The following TMEM245 variants were observed in gnomAD, a reference collection of about 807,000 sequenced individuals.
TMEM245 encodes the protein protein CG-2.
A neutral mutation model predicts 101.2 loss-of-function variants in TMEM245; 69 were observed. The observed-to-expected ratio is 0.68, with a 90% CI of 0.56 to 0.83. The LOEUF is 0.83. TMEM245 is among the 40% of genes least tolerant of loss of function. TMEM245 has a pLI of 0.00. For synonymous variants in TMEM245, 537 were observed against 449.8 expected, an observed-to-expected ratio of 1.19 and a Z score of -2.45; for missense variants, 1,075 against 1,092.8, an observed-to-expected ratio of 0.98 and a Z score of 0.23.
chr9:109,084,204 C>G (rs1218072078), intron 7 of TMEM245, among the ~76,000 whole-genome samples: 1 of 152,098 alleles, frequency 6.6e-6, no homozygotes, highest in Non-Finnish European at 1.5e-5. Flanking sequence ...TAATTCACTC[C>G]ACTTGAAATT....
intron 9 of TMEM245, among the ~76,000 whole-genome samples, chr9:109,070,721 C>T (rs1021292593): frequency 6.6e-6 from 1 of 152,190 alleles, no homozygotes; most frequent in Non-Finnish European, 1.5e-5. Flanking sequence ...CTAAAAATTT[C>T]CTTGCACCTA....
chr9:109,085,952 T>C (rs957325526), intron 7 of TMEM245, 45 bp downstream of exon 7: 2 of 1,602,854 alleles, frequency 1.2e-6, no homozygotes, highest in East Asian at 2.2e-5. Flanking sequence ...TACAGGGGCA[T>C]TACGGAATTC....
At chr9:109,108,420 TAAAAAAAAA>T in intron 2 of TMEM245, 24 bp downstream of exon 2, 2 of 938,464 alleles carry the variant, frequency 2.1e-6, no homozygotes, top group South Asian at 2.1e-5. Context: ...AGGCTAGACT[TAAAAAAAAA>T]AAAAAAAAAA....
At chr9:109,079,673 C>T (rs957496584) in intron 8 of TMEM245, among the ~76,000 whole-genome samples, 4 of 148,870 alleles carry the variant, frequency 2.7e-5, no homozygotes, top group Admixed American at 6.7e-5. Context: ...AGGGGATGAA[C>T]AAAGAAAAAG....
intron 11 of TMEM245, among the ~76,000 whole-genome samples, chr9:109,058,683 G>A (rs1244406100): frequency 6.6e-6 from 1 of 152,050 alleles, no homozygotes; most frequent in Admixed American, 6.5e-5. Flanking sequence ...TGCAGTCATA[G>A]CTCACTGCAG....
intron 3 of TMEM245, among the ~76,000 whole-genome samples, chr9:109,106,024 A>C (rs1830406752): frequency 6.6e-6 from 1 of 152,098 alleles, no homozygotes; most frequent in Admixed American, 6.5e-5. Flanking sequence ...CGCTTGCCTC[A>C]GCCTCCCAAA....
In TMEM245 at chr9:109,088,755, G is replaced by T. The variant is rs529119218; in HGVS notation, c.1151-1413C>A. 4.8e-5 allele frequency among the ~76,000 whole-genome samples: 7 copies of T among 145,312 alleles called. No homozygotes were observed. The Admixed American group carries it at 5.0e-4, about 10-fold the overall frequency. ...AGTGTGAACCCAGGAAGTGAAGCTT[G>T]CAATGAGCCGAGATCCCGCCACTGC... On this transcript the variant is annotated intron_variant, in intron 5 of 17. Transcript: ENST00000374586.
Position 109,073,427 on chromosome 9 carries a change from C to G in TMEM245, c.1461G>C (p.Glu487Asp). Residue 487 changes from glutamate (E) to aspartate (D), a missense_variant, in exon 9 of 18, where the codon GAG (glutamate) becomes GAC (aspartate). Transcript: ENST00000374586. ...ALLLTAKVHQESVHMIEVTSN... is the reference protein window; with the variant it reads ...ALLLTAKVHQDSVHMIEVTSN... ...TTGTGACTTCAATCATGTGTACACT[C>G]TCTTGATGTACCTGTATTACAGATA... The G allele has an allele frequency of 6.2e-7, 1 of 1,607,280 alleles. No individual in the cohort carries two copies. Among genetic ancestry groups the G allele is most frequent in the Non-Finnish European group, 8.5e-7 (1 of 1,175,136 alleles).
chr9:109,107,492 CCCTGCCTG>C (rs1296717505), intron 2 of TMEM245, among the ~76,000 whole-genome samples: 1 of 151,974 alleles, frequency 6.6e-6, no homozygotes, highest in East Asian at 1.9e-4. Context: ...CATAAAACAT[CCCTGCCTG>C]CCTGCCTCCC....
intron 11 of TMEM245, among the ~76,000 whole-genome samples, chr9:109,059,778 C>A (rs1232821471): frequency 6.6e-6 from 1 of 152,004 alleles, no homozygotes; most frequent in Non-Finnish European, 1.5e-5. Flanking sequence ...TTAATGCCTA[C>A]AGTTGTACTG....
intron 14 of TMEM245, among the ~76,000 whole-genome samples, chr9:109,042,233 TC>T (rs1289999109): frequency 1.3e-5 from 2 of 152,148 alleles, no homozygotes; most frequent in African/African-American, 2.4e-5. Flanking sequence ...TGTGTTAGTT[TC>T]CTGTTGCAGC....
At chr9:109,073,822 A>C (rs1829405823) in intron 8 of TMEM245, among the ~76,000 whole-genome samples, 1 of 152,018 alleles carries the variant, frequency 6.6e-6, no homozygotes, top group Non-Finnish European at 1.5e-5. Flanking sequence ...AGTGTGAGAC[A>C]AACAGGCAAA....
intron 11 of TMEM245, among the ~76,000 whole-genome samples, chr9:109,058,658 A>G (rs1828920188): frequency 6.6e-6 from 1 of 152,108 alleles, no homozygotes; most frequent in Non-Finnish European, 1.5e-5. Context: ...ACCAGGCTGC[A>G]CTGGAGTGCA....
At chr9:109,107,112 G>A (rs1424769912) in intron 2 of TMEM245, among the ~76,000 whole-genome samples, 3 of 152,056 alleles carry the variant, frequency 2.0e-5, no homozygotes, top group African/African-American at 7.2e-5. Context: ...AGTTGGCTGG[G>A]CGCAGTGGCT....
At chr9:109,100,137 T>G (rs934780527) in intron 3 of TMEM245, among the ~76,000 whole-genome samples, 1 of 152,184 alleles carries the variant, frequency 6.6e-6, no homozygotes. Flanking sequence ...GCAAGGAAGC[T>G]AGGTCATGTA....
chr9:109,105,953 T>C (rs2132635828), intron 3 of TMEM245, among the ~76,000 whole-genome samples: 1 of 152,304 alleles, frequency 6.6e-6, no homozygotes, highest in Admixed American at 6.5e-5. Flanking sequence ...TTTGTATTTT[T>C]AGTAGAGACG....
In TMEM245 at chr9:109,074,299, C is replaced by T. The variant is rs190056828; in HGVS notation, c.1450-861G>A. ...AAAAAATTTTTTCACCCAGGACATCCAAACAAGGAAAGAAACATAATCTGA... is the reference window on the plus strand; with the variant it reads ...AAAAAATTTTTTCACCCAGGACATCTAAACAAGGAAAGAAACATAATCTGA... On this transcript the variant is annotated intron_variant, in intron 8 of 17. Transcript: ENST00000374586. 1.6e-4 allele frequency among the ~76,000 whole-genome samples: 25 copies of T among 152,154 alleles called. 1 individual carries two copies. Among genetic ancestry groups the T allele is most frequent in the Admixed American group, 1.4e-3 (21 of 15,284 alleles).
Position 109,108,437 on chromosome 9 carries a change from A to G in TMEM245, c.697+16T>C. Reference sequence around the variant, plus strand: ...GCTAGACTTAAAAAAAAAAAAAAAAAAAAGAAGGAACCCACCTAAATGAAA... The same window carrying G: ...GCTAGACTTAAAAAAAAAAAAAAAAGAAAGAAGGAACCCACCTAAATGAAA... On this transcript the variant is annotated intron_variant, in intron 2 of 17. Coordinates refer to ENST00000374586, the MANE Select transcript of TMEM245 (RefSeq NM_032012.4). 1.4e-6 allele frequency: 2 copies of G among 1,452,044 alleles called. No homozygotes were observed. The highest frequency in any genetic ancestry group is 2.4e-5 in the East Asian group (1 of 42,144). 89.9% of individuals were successfully genotyped at this position (1,452,044 alleles called of 1,614,324 possible). A position where few individuals can be genotyped will look rare whatever the true frequency, so the allele number is the denominator to read the frequency against.
intron 1 of TMEM245, among the ~76,000 whole-genome samples, chr9:109,109,928 A>C (rs1336895336): frequency 1.3e-5 from 2 of 152,208 alleles, no homozygotes; most frequent in Non-Finnish European, 2.9e-5. Context: ...TGTACTAAGA[A>C]GTTAGTGGCT....
Sources: allele counts gnomAD v4.1 joint callset (sites outside exome capture counted in the v4.1 genomes callset), GRCh38; gene constraint gnomAD v4.1.1; transcripts MANE v1.5; gene names NCBI Gene and HGNC (gene_info 2026-07-23, HGNC 2026-07-21).